The following PTPRG variants were observed in gnomAD, a reference collection of about 807,000 sequenced individuals.
PTPRG encodes the protein protein tyrosine phosphatase receptor type G, also known as receptor-type tyrosine-protein phosphatase gamma.
PTPRG carries 102 observed loss-of-function variants against 165.3 expected under a neutral mutation model. The observed-to-expected ratio is 0.62, with a 90% CI of 0.53 to 0.73. The LOEUF is 0.73. PTPRG is among the 30% of genes least tolerant of loss of function. PTPRG has a pLI of 0.00. For synonymous variants in PTPRG, 675 were observed against 669.5 expected (o/e 1.01, Z -0.13); for missense variants, 1,866 against 1,861.4 (o/e 1.00, Z -0.05).
chr3:62,176,822 G>C (rs559516988), intron 8 of PTPRG, among the ~76,000 whole-genome samples: 3 of 152,080 alleles, frequency 2.0e-5, no homozygotes, highest in Non-Finnish European at 2.9e-5. Context: ...CTAAGTGAAC[G>C]AATGAATAAA....
intron 1 of PTPRG, among the ~76,000 whole-genome samples, chr3:61,569,023 G>A (rs1699994396): frequency 1.3e-5 from 2 of 152,200 alleles, no homozygotes; most frequent in Admixed American, 1.3e-4. Flanking sequence ...AAACGGAATT[G>A]GGTAGTGTTT....
intron 4 of PTPRG, among the ~76,000 whole-genome samples, chr3:62,042,392 C>T (rs749083207): frequency 1.3e-5 from 2 of 152,172 alleles, no homozygotes; most frequent in Admixed American, 6.5e-5. Context: ...ATTTCTACAG[C>T]GTGTCTTTGT....
At chr3:62,122,044 G>C (rs1703094543) in intron 5 of PTPRG, among the ~76,000 whole-genome samples, 1 of 152,124 alleles carries the variant, frequency 6.6e-6, no homozygotes, top group African/African-American at 2.4e-5. Flanking sequence ...AGATGGGGCT[G>C]GATTTTGTTT....
chr3:62,165,410 G>T (rs1704933634), intron 7 of PTPRG, among the ~76,000 whole-genome samples: 1 of 152,174 alleles, frequency 6.6e-6, no homozygotes, highest in African/African-American at 2.4e-5. Flanking sequence ...TGAGGTGGAG[G>T]TGATTTTTCA....
intron 2 of PTPRG, among the ~76,000 whole-genome samples, chr3:61,966,002 A>C (rs1471502770): frequency 6.6e-6 from 1 of 152,204 alleles, no homozygotes; most frequent in South Asian, 2.1e-4. Flanking sequence ...TTTCATGGCA[A>C]AAACAAATCT....
chr3:61,817,640 G>A (rs1312730742), intron 2 of PTPRG, among the ~76,000 whole-genome samples: 1 of 152,112 alleles, frequency 6.6e-6, no homozygotes, highest in African/African-American at 2.4e-5. Flanking sequence ...CTACAGCTAC[G>A]AGACCTGCGT....
intron 2 of PTPRG, among the ~76,000 whole-genome samples, chr3:61,762,362 T>C (rs1029452383): frequency 3.3e-5 from 5 of 152,154 alleles, no homozygotes; most frequent in East Asian, 3.9e-4. Flanking sequence ...TGGCGGCTCA[T>C]GCACTTTGGG....
intron 2 of PTPRG, among the ~76,000 whole-genome samples, chr3:61,776,699 A>G (rs374792329): frequency 3.3e-5 from 5 of 151,928 alleles, no homozygotes; most frequent in Admixed American, 2.0e-4. Flanking sequence ...ATATTTTGCC[A>G]CGGTCTGTCT....
intron 2 of PTPRG, among the ~76,000 whole-genome samples, chr3:61,807,836 C>G (rs578058903): frequency 6.6e-6 from 1 of 152,114 alleles, no homozygotes; most frequent in African/African-American, 2.4e-5. Context: ...CTTCCTTTCC[C>G]TCTTGTTCCT....
chr3:61,714,859 C>T (rs1003647779), intron 1 of PTPRG, among the ~76,000 whole-genome samples: 1 of 152,140 alleles, frequency 6.6e-6, no homozygotes, highest in Non-Finnish European at 1.5e-5. Context: ...TTTAGCTACT[C>T]CTGTTTTGAT....
intron 1 of PTPRG, among the ~76,000 whole-genome samples, chr3:61,573,029 C>A (rs1252852744): frequency 6.6e-6 from 1 of 152,228 alleles, no homozygotes; most frequent in African/African-American, 2.4e-5. Flanking sequence ...GTCAATCTTG[C>A]TTATGAAGCT....
intron 2 of PTPRG, among the ~76,000 whole-genome samples, chr3:61,898,945 G>A (rs1323525976): frequency 1.3e-5 from 2 of 152,108 alleles, no homozygotes; most frequent in Non-Finnish European, 2.9e-5. Context: ...GCTTCACTCT[G>A]TCACCCAGGC....
chr3:62,201,461 CA>C (rs752947388), intron 10 of PTPRG, 43 bp from the exon 11 acceptor site: 29 of 1,519,884 alleles, frequency 1.9e-5, no homozygotes, highest in South Asian at 1.7e-4. Flanking sequence ...GTTAGAGCCA[CA>C]AAAAAAGTTA....
At position 62,218,973 on chromosome 3, in the gene PTPRG, G is replaced by C. The variant is rs763857433; in HGVS notation, c.2278G>C (p.Val760Leu). ...CCTCATCCTTCTCATTGCTGTGCTCGTTTACTGGAGGTAAGCCAGGCAGCA... is the reference window on the plus strand; with the variant it reads ...CCTCATCCTTCTCATTGCTGTGCTCCTTTACTGGAGGTAAGCCAGGCAGCA... ...VCLILLIAVL[V>L]YWRGCNKIKS... The change falls in exon 13 of 30, where the codon GTT becomes CTT. Residue 760 changes from valine to leucine, a missense_variant. This residue lies in a region of PTPRG where 1,452 missense variants were observed against 1,463.0 expected (regional missense o/e 0.99). Transcript: ENST00000474889. 3 of 1,613,588 alleles carry C rather than the reference G, an allele frequency of 1.9e-6. No homozygotes were observed. The highest frequency in any genetic ancestry group is 1.1e-5 in the South Asian group (1 of 90,930).
chr3:61,699,666 T>C (rs1256538208), intron 1 of PTPRG, among the ~76,000 whole-genome samples: 2 of 152,220 alleles, frequency 1.3e-5, no homozygotes, highest in Admixed American at 6.5e-5. Context: ...GTTTGCTTTA[T>C]TTTCTGAAAT....
At chr3:61,593,798 TA>T (rs1371952947) in intron 1 of PTPRG, among the ~76,000 whole-genome samples, 2 of 152,078 alleles carry the variant, frequency 1.3e-5, no homozygotes, top group Non-Finnish European at 2.9e-5. Flanking sequence ...TGAAAAGTAA[TA>T]TTTTGTTGCT....
At chr3:62,099,069 T>C (rs754360187) in intron 5 of PTPRG, among the ~76,000 whole-genome samples, 2 of 152,216 alleles carry the variant, frequency 1.3e-5, no homozygotes, top group African/African-American at 4.8e-5. Flanking sequence ...CCTACACATA[T>C]AGTTGCATTT....
At chr3:61,820,987 G>C (rs2035938112) in intron 2 of PTPRG, among the ~76,000 whole-genome samples, 1 of 151,810 alleles carries the variant, frequency 6.6e-6, no homozygotes, top group Admixed American at 6.6e-5. Context: ...CCTTATCCAG[G>C]ATTTTTAAAT....
chr3:61,907,404 G>T (rs1022674093), intron 2 of PTPRG, among the ~76,000 whole-genome samples: 1 of 152,136 alleles, frequency 6.6e-6, no homozygotes, highest in Non-Finnish European at 1.5e-5. Flanking sequence ...GCCCAGATGT[G>T]CCCTCCTGAT....
Sources: allele counts gnomAD v4.1 joint callset (sites outside exome capture counted in the v4.1 genomes callset), GRCh38; gene constraint gnomAD v4.1.1; regional missense constraint gnomAD v4.1.1; transcripts MANE v1.5; gene names NCBI Gene and HGNC (gene_info 2026-07-23, HGNC 2026-07-21).